The following CLEC16A variants were observed in gnomAD, a reference collection of about 807,000 sequenced individuals.
The protein encoded by CLEC16A is protein CLEC16A.
Under a neutral mutation model 109.5 loss-of-function variants are expected in CLEC16A, and 51 were observed. The ratio of observed to expected loss-of-function variants is 0.47; its 90% CI spans 0.37 to 0.59. CLEC16A has a LOEUF of 0.59. Ranked by LOEUF, CLEC16A falls within the 20% of genes least tolerant of loss-of-function variation. The pLI is 0.00. For missense variants in CLEC16A, 1,339 were observed against 1,394.0 expected, an observed-to-expected ratio of 0.96 and a Z score of 0.63; for synonymous variants, 673 against 564.2, an observed-to-expected ratio of 1.19 and a Z score of -2.73.
At chr16:11,105,697 C>A (rs1215554206) in intron 19 of CLEC16A, among the ~76,000 whole-genome samples, 1 of 152,234 alleles carries the variant, frequency 6.6e-6, no homozygotes, top group Non-Finnish European at 1.5e-5. Flanking sequence ...GATTGAGGCA[C>A]CCAGCCTCCC....
chr16:11,021,854 G>T (rs1035432689), intron 12 of CLEC16A, among the ~76,000 whole-genome samples: 1 of 152,084 alleles, frequency 6.6e-6, no homozygotes, highest in African/African-American at 2.4e-5. Flanking sequence ...GTTCCTTAGG[G>T]TTTGATAAAT....
chr16:11,119,658 C>G (rs1395196912), intron 19 of CLEC16A, among the ~76,000 whole-genome samples: 2 of 152,174 alleles, frequency 1.3e-5, no homozygotes, highest in Admixed American at 6.5e-5. Flanking sequence ...TCCCAAAGTG[C>G]TGGAATTACA....
chr16:11,091,323 C>T (rs1316708722), intron 19 of CLEC16A, among the ~76,000 whole-genome samples: 4 of 152,228 alleles, frequency 2.6e-5, no homozygotes, highest in East Asian at 1.9e-4. Context: ...TATTCAGTAT[C>T]GGCCACTTGA....
At chr16:11,102,877 AC>A (rs1348414865) in intron 19 of CLEC16A, among the ~76,000 whole-genome samples, 23 of 152,130 alleles carry the variant, frequency 1.5e-4, no homozygotes, top group Non-Finnish European at 3.2e-4. Flanking sequence ...TGTTAATATC[AC>A]CTCTATTTGC....
chr16:11,109,811 A>G (rs2051462142), intron 19 of CLEC16A, among the ~76,000 whole-genome samples: 1 of 152,204 alleles, frequency 6.6e-6, no homozygotes. Flanking sequence ...ACCTCTGATT[A>G]ACCACACGTG....
At chr16:11,053,135 C>G (rs1312173718) in intron 18 of CLEC16A, among the ~76,000 whole-genome samples, 1 of 152,164 alleles carries the variant, frequency 6.6e-6, no homozygotes, top group Non-Finnish European at 1.5e-5. Flanking sequence ...AAGCCATCCT[C>G]CTGCCTTGGC....
chr16:10,974,761 C>T (rs2042959090), intron 7 of CLEC16A, among the ~76,000 whole-genome samples: 1 of 152,094 alleles, frequency 6.6e-6, no homozygotes, highest in Admixed American at 6.6e-5. Context: ...GTCATGGATG[C>T]GAGACATAAT....
At chr16:11,130,941 C>T (rs2053165362) in intron 22 of CLEC16A, among the ~76,000 whole-genome samples, 1 of 152,122 alleles carries the variant, frequency 6.6e-6, no homozygotes, top group Non-Finnish European at 1.5e-5. Flanking sequence ...CCTTTCATTT[C>T]CTTGGATGAG....
chr16:11,118,362 A>G (rs1307100234), intron 19 of CLEC16A, among the ~76,000 whole-genome samples: 1 of 80,768 alleles, frequency 1.2e-5, no homozygotes, highest in Non-Finnish European at 2.4e-5. Flanking sequence ...AAACAATTCA[A>G]GATAAGGGAC....
At chr16:11,050,679 A>G (rs1417939743) in intron 17 of CLEC16A, among the ~76,000 whole-genome samples, 3 of 152,218 alleles carry the variant, frequency 2.0e-5, no homozygotes, top group African/African-American at 7.2e-5. Flanking sequence ...TGGTGTGGAA[A>G]GAGGCCGTCA....
chr16:11,016,080 A>G (rs2152789448), intron 11 of CLEC16A, among the ~76,000 whole-genome samples: 1 of 152,354 alleles, frequency 6.6e-6, no homozygotes, highest in East Asian at 1.9e-4. Context: ...TTTATGTATT[A>G]TAAATTATAT....
intron 11 of CLEC16A, among the ~76,000 whole-genome samples, chr16:11,010,391 T>G (rs902217615): frequency 2.0e-5 from 3 of 152,200 alleles, no homozygotes; most frequent in African/African-American, 7.2e-5. Flanking sequence ...TATACTGGTT[T>G]TATGCTTATG....
At chr16:11,125,293 CAG>C (rs2052724455) in intron 21 of CLEC16A, among the ~76,000 whole-genome samples, 1 of 151,922 alleles carries the variant, frequency 6.6e-6, no homozygotes, top group Non-Finnish European at 1.5e-5. Context: ...GATTTATTTT[CAG>C]AGAGTTTTTT....
chr16:11,125,609 A>G (rs2052749848), intron 21 of CLEC16A, among the ~76,000 whole-genome samples: 1 of 152,138 alleles, frequency 6.6e-6, no homozygotes, highest in Non-Finnish European at 1.5e-5. Flanking sequence ...CTCTGGGCAG[A>G]CTCGGCCCCA....
At chr16:11,050,142 A>G (rs1455484931) in intron 17 of CLEC16A, among the ~76,000 whole-genome samples, 1 of 152,242 alleles carries the variant, frequency 6.6e-6, no homozygotes, top group African/African-American at 2.4e-5. Flanking sequence ...CCATGGTAGA[A>G]TGCGAAAGGG....
At position 11,098,024 on chromosome 16, in the gene CLEC16A, C is replaced by G. The variant is rs201350163; in HGVS notation, c.2117-22591C>G. On this transcript the variant is annotated intron_variant, in intron 19 of 23. Coordinates refer to ENST00000409790, the MANE Select transcript of CLEC16A (RefSeq NM_015226.3). The stretch of plus-strand genomic sequence containing the variant: ...CTGTGTGGTAGAATCACTTGGAGAG[C>G]TTTAAGGCGCCCGGTGCCCAGGTCA... 4.0e-4 allele frequency among the ~76,000 whole-genome samples: 61 copies of G among 152,340 alleles called. No homozygotes were observed. In the East Asian group the frequency reaches 0.011, roughly 27 times the overall value.
At chr16:11,091,688 A>G (rs1052561485) in intron 19 of CLEC16A, among the ~76,000 whole-genome samples, 6 of 152,114 alleles carry the variant, frequency 3.9e-5, no homozygotes, top group African/African-American at 1.2e-4. Context: ...GGTTTCCTTC[A>G]TCTGAAAAAT....
chr16:10,983,262 T>C (rs2043430367), intron 10 of CLEC16A, among the ~76,000 whole-genome samples: 1 of 152,216 alleles, frequency 6.6e-6, no homozygotes, highest in Non-Finnish European at 1.5e-5. Context: ...TGAGACACTG[T>C]TATCGGGACA....
chr16:10,969,226 G>A lies in CLEC16A; in HGVS notation c.409G>A (p.Glu137Lys). 1 of 1,609,082 alleles carries A rather than the reference G, an allele frequency of 6.2e-7. No homozygotes were observed. Among genetic ancestry groups the A allele is most frequent in the Non-Finnish European group, 8.5e-7 (1 of 1,175,958 alleles). The change falls in exon 4 of 24, where the codon GAG (glutamate) becomes AAG (lysine). Residue 137 changes from glutamate to lysine, a missense_variant. Transcript: ENST00000409790. ...IVHKFDFSDE[E>K]IMAYYISFLK... ...TCATAAATTTGACTTTTCTGATGAG[G>A]AGATTATGGCCTATTATATATCGTT...
Sources: allele counts gnomAD v4.1 joint callset (sites outside exome capture counted in the v4.1 genomes callset), GRCh38; gene constraint gnomAD v4.1.1; transcripts MANE v1.5; gene names NCBI Gene and HGNC (gene_info 2026-07-23, HGNC 2026-07-21).